Variants in EPHB1 observed in about 807,000 individuals in gnomAD.
EPHB1 encodes EPH receptor B1, also known as ephrin type-B receptor 1.
Under a neutral mutation model 94.4 loss-of-function variants are expected in EPHB1, and 30 were observed. The observed-to-expected ratio is 0.32, with a 90% CI of 0.24 to 0.43. The LOEUF (loss-of-function observed/expected upper bound fraction) is 0.43. Among genes scored for constraint, EPHB1 ranks in the 20% least tolerant of loss-of-function variants. The pLI, the probability that EPHB1 is intolerant of heterozygous loss-of-function variation, is 1.00. For synonymous variants in EPHB1, 522 were observed against 489.1 expected (o/e 1.07, Z -0.89); for missense variants, 1,055 against 1,308.3 (o/e 0.81, Z 2.99).
At chr3:134,849,156 C>A (rs1195074510) in intron 1 of EPHB1, among the ~76,000 whole-genome samples, 1 of 152,196 alleles carries the variant, frequency 6.6e-6, no homozygotes, top group Admixed American at 6.5e-5. Context: ...CGGCCCTTAA[C>A]CAGTGGTTCT....
chr3:134,988,383 A>G (rs377737903), intron 3 of EPHB1, among the ~76,000 whole-genome samples: 4 of 152,352 alleles, frequency 2.6e-5, no homozygotes, highest in East Asian at 3.9e-4. Flanking sequence ...CTTCAACTTC[A>G]TGTGTGCAGT....
At chr3:134,888,957 T>G (rs550509883) in intron 1 of EPHB1, among the ~76,000 whole-genome samples, 1 of 152,014 alleles carries the variant, frequency 6.6e-6, no homozygotes, top group East Asian at 1.9e-4. Context: ...TTTGGCAGAT[T>G]CCAGTAGCAG....
intron 1 of EPHB1, among the ~76,000 whole-genome samples, chr3:134,835,386 C>T (rs556442470): frequency 2.6e-5 from 4 of 152,290 alleles, no homozygotes; most frequent in Non-Finnish European, 4.4e-5. Context: ...CTACTTTCAG[C>T]CCTGTGGAGG....
At chr3:134,995,168 C>G (rs981223413) in intron 3 of EPHB1, among the ~76,000 whole-genome samples, 6 of 152,218 alleles carry the variant, frequency 3.9e-5, no homozygotes, top group African/African-American at 9.6e-5. Flanking sequence ...CACTGACAAT[C>G]AATGTGTTCT....
chr3:134,865,539 C>A (rs562890258), intron 1 of EPHB1, among the ~76,000 whole-genome samples: 5 of 151,870 alleles, frequency 3.3e-5, no homozygotes, highest in African/African-American at 1.2e-4. Flanking sequence ...CAAGATAATT[C>A]TTTGCAGCAT....
intron 2 of EPHB1, among the ~76,000 whole-genome samples, chr3:134,926,447 A>G (rs1165104500): frequency 6.6e-6 from 1 of 152,232 alleles, no homozygotes; most frequent in Non-Finnish European, 1.5e-5. Flanking sequence ...ATGAGGTTAG[A>G]CAAGAAGCCT....
intron 4 of EPHB1, among the ~76,000 whole-genome samples, chr3:135,118,597 G>A (rs1003208714): frequency 3.3e-5 from 5 of 152,150 alleles, no homozygotes; most frequent in Admixed American, 2.0e-4. Context: ...TACTTCCCTC[G>A]GGAAGGAGGA....
intron 1 of EPHB1, among the ~76,000 whole-genome samples, chr3:134,915,668 G>A (rs896273493): frequency 2.6e-5 from 4 of 152,014 alleles, no homozygotes; most frequent in Non-Finnish European, 4.4e-5. Flanking sequence ...TCGTGGTCTC[G>A]CTGGCTCAGG....
At chr3:135,248,533 C>G (rs1450758857) in intron 14 of EPHB1, 24 bp downstream of exon 14, 1 of 1,544,128 alleles carries the variant, frequency 6.5e-7, no homozygotes, top group Non-Finnish European at 8.8e-7. Context: ...AACGGTGATC[C>G]CTAAATATGG....
rs376659602 is a variant in EPHB1 at position 135,154,162 on chromosome 3, C to T, written c.1308C>T (p.Thr436=). The T allele has an allele frequency of 3.5e-5, 57 of 1,613,886 alleles. No homozygotes were observed. The African/African-American group carries it at 3.7e-4, about 11-fold the overall frequency. ...NITTNQAAPS[T]VPIMHQVSAT... is the part of the protein sequence containing the mutation. ...TTTCTCTCTCCACAGCCCCCTCCAC[C>T]GTTCCCATCATGCACCAAGTCAGTG... The change falls in exon 6 of 16, where the codon ACC becomes ACT. Residue 436 remains threonine (T), a synonymous_variant. Transcript: ENST00000398015.
At chr3:135,136,567 C>T (rs1553740045) in intron 5 of EPHB1, among the ~76,000 whole-genome samples, 1 of 152,212 alleles carries the variant, frequency 6.6e-6, no homozygotes, top group Non-Finnish European at 1.5e-5. Context: ...TGCTCAGCAT[C>T]TCACAGCCAA....
At chr3:135,203,372 C>G (rs987549770) in intron 12 of EPHB1, among the ~76,000 whole-genome samples, 1 of 152,022 alleles carries the variant, frequency 6.6e-6, no homozygotes, top group Non-Finnish European at 1.5e-5. Flanking sequence ...ATGAAACAAA[C>G]CTGCATATTC....
intron 13 of EPHB1, among the ~76,000 whole-genome samples, chr3:135,245,582 A>T (rs373124604): frequency 8.6e-5 from 13 of 150,640 alleles, no homozygotes; most frequent in East Asian, 3.9e-4. Context: ...CCGAGGCGGG[A>T]GGATCACGGG....
At chr3:135,102,814 A>C (rs138468858) in intron 3 of EPHB1, among the ~76,000 whole-genome samples, 1 of 152,378 alleles carries the variant, frequency 6.6e-6, no homozygotes, top group Non-Finnish European at 1.5e-5. Context: ...GAATGAGTTC[A>C]TGCCCTTTGC....
chr3:134,948,223 G>A (rs1196202223), intron 2 of EPHB1, among the ~76,000 whole-genome samples: 1 of 151,952 alleles, frequency 6.6e-6, no homozygotes, highest in Non-Finnish European at 1.5e-5. Flanking sequence ...TCTAAATGGG[G>A]TCACATGCTT....
chr3:135,212,626 C>G (rs546876313), intron 12 of EPHB1, among the ~76,000 whole-genome samples: 1 of 152,262 alleles, frequency 6.6e-6, no homozygotes, highest in African/African-American at 2.4e-5. Flanking sequence ...TATCTTGTTT[C>G]TAGGGATTCT....
chr3:135,132,172 C>G (rs1281637545), intron 4 of EPHB1, among the ~76,000 whole-genome samples: 2 of 152,162 alleles, frequency 1.3e-5, no homozygotes, highest in Non-Finnish European at 2.9e-5. Flanking sequence ...AAATATACAT[C>G]TATTCAGGTG....
intron 1 of EPHB1, among the ~76,000 whole-genome samples, chr3:134,866,721 C>A (rs1401598812): frequency 6.6e-6 from 1 of 152,200 alleles, no homozygotes; most frequent in African/African-American, 2.4e-5. Flanking sequence ...AGGCACTTCA[C>A]CACTTTGATG....
At chr3:134,974,916 C>A (rs536290592) in intron 3 of EPHB1, among the ~76,000 whole-genome samples, 1 of 152,300 alleles carries the variant, frequency 6.6e-6, no homozygotes, top group East Asian at 1.9e-4. Flanking sequence ...CACCTCCCTG[C>A]CCTTCTTCCT....
Sources: allele counts gnomAD v4.1 joint callset (sites outside exome capture counted in the v4.1 genomes callset), GRCh38; gene constraint gnomAD v4.1.1; transcripts MANE v1.5; gene names NCBI Gene and HGNC (gene_info 2026-07-23, HGNC 2026-07-21).